BTNL9: variants seen among roughly 807,000 people sequenced by gnomAD.
BTNL9 encodes the protein butyrophilin-like protein 9.
In BTNL9, 45 loss-of-function variants were observed where a neutral mutation model predicts 45.8. That is an observed-to-expected ratio of 0.98 (90% CI 0.77 to 1.26). BTNL9 has a LOEUF of 1.26. BTNL9 is among the 50% of genes most tolerant of loss of function. The pLI is 0.00. For missense variants in BTNL9, 784 were observed against 729.7 expected (o/e 1.07, Z -0.86); for synonymous variants, 346 against 330.8 (o/e 1.05, Z -0.50).
intron 4 of BTNL9, among the ~76,000 whole-genome samples, chr5:181,051,863 A>G (rs199946610): frequency 6.6e-6 from 1 of 152,186 alleles, no homozygotes; most frequent in Non-Finnish European, 1.5e-5. Flanking sequence ...TTATATAAAA[A>G]TTTTTAGATG....
intron 9 of BTNL9, among the ~76,000 whole-genome samples, chr5:181,057,666 A>G (rs1009721240): frequency 2.0e-5 from 3 of 152,360 alleles, no homozygotes; most frequent in African/African-American, 2.4e-5. Flanking sequence ...GGAGTTTTAC[A>G]TAGGATTACT....
chr5:181,058,259 A>G, intron 9 of BTNL9, 93 bp from the exon 10 acceptor site: 1 of 1,421,238 alleles, frequency 7.0e-7, no homozygotes, highest in South Asian at 1.2e-5. Context: ...TTCGATCTGC[A>G]TGCATCCCTC....
chr5:181,047,470 A>G (rs1184893756), intron 2 of BTNL9: 1 of 989,338 alleles, frequency 1.0e-6, no homozygotes, highest in African/African-American at 1.7e-5. Flanking sequence ...ATCTATTCTC[A>G]TCATGCAGAA....
chr5:181,046,696 AGC>A (rs1761186759), intron 2 of BTNL9, among the ~76,000 whole-genome samples: 1 of 148,090 alleles, frequency 6.8e-6, no homozygotes, highest in African/African-American at 2.7e-5. Context: ...AGAGAGAGAG[AGC>A]GAGAGAGAGA....
chr5:181,043,232 ATG>A (rs1491388856), intron 1 of BTNL9, among the ~76,000 whole-genome samples: 2 of 42,556 alleles, frequency 4.7e-5, no homozygotes, highest in South Asian at 5.3e-4. Context: ...GTGTGTGTCT[ATG>A]TGTGTGTCTG....
chr5:181,045,705 A>C, intron 2 of BTNL9, 107 bp downstream of exon 2: 1 of 870,340 alleles, frequency 1.1e-6, no homozygotes. Context: ...CCAGACGCTA[A>C]AATACAAAAA....
At chr5:181,049,943 G>T in intron 3 of BTNL9, 145 bp from the exon 4 acceptor site, 1 of 1,023,366 alleles carries the variant, frequency 9.8e-7, no homozygotes, top group East Asian at 2.5e-5. Flanking sequence ...TCCATGGGCG[G>T]GGAGCGCCAA....
At chr5:181,045,278 G>T (rs1761035581) in intron 1 of BTNL9, among the ~76,000 whole-genome samples, 189 bp from the exon 2 acceptor site, 1 of 152,162 alleles carries the variant, frequency 6.6e-6, no homozygotes, top group African/African-American at 2.4e-5. Context: ...GCCATTAACA[G>T]TGTCCCCTGG....
intron 9 of BTNL9, 117 bp downstream of exon 9, chr5:181,056,132 C>T: frequency 8.6e-7 from 1 of 1,163,378 alleles, no homozygotes; most frequent in Admixed American, 1.7e-5. Flanking sequence ...CCTCACACAG[C>T]ATGTGTTAAT....
At position 181,055,670 on chromosome 5, in the gene BTNL9, G is replaced by A. The variant is rs1015189166; in HGVS notation, c.928+217G>A. The A allele has an allele frequency of 4.4e-6, 3 of 688,880 alleles. No individual in the cohort carries two copies. Among genetic ancestry groups the A allele is most frequent in the Non-Finnish European group, 7.6e-6 (3 of 392,644 alleles). The allele number at this position is 688,880 out of a possible 1,614,324, so 42.7% of individuals were successfully genotyped here. A position where few individuals can be genotyped will look rare whatever the true frequency, so the allele number is the denominator to read the frequency against. On this transcript the variant is annotated intron_variant, in intron 8 of 10. Coordinates refer to ENST00000327705, the MANE Select transcript of BTNL9 (RefSeq NM_152547.5). The surrounding 1 kb of genome is among the most constrained non-coding windows in gnomAD (Gnocchi z 4.4). ...TGTAGTCCCAGCTACATGGGAGGCT[G>A]AGGCAGGAGAAGGGCGTGAACCCGG...
intron 1 of BTNL9, 133 bp from the exon 2 acceptor site, chr5:181,045,334 C>T (rs533558911): frequency 3.9e-5 from 23 of 591,954 alleles, no homozygotes; most frequent in Middle Eastern, 3.2e-4. Context: ...AGAAGCCAAG[C>T]GCTGAGGCTT....
In BTNL9 at chr5:181,055,255, G is replaced by A; in HGVS notation, c.908-178G>A. ...AGATAGGATGAGGCATAAGAGTCCT[G>A]CAGATGGGCCTCTTTTTGAGGGCAA... On this transcript the variant is annotated intron_variant, in intron 7 of 10. Coordinates refer to ENST00000327705, the MANE Select transcript of BTNL9 (RefSeq NM_152547.5). The surrounding 1 kb of genome is among the most constrained non-coding windows in gnomAD (Gnocchi z 4.4). 8.1e-6 allele frequency: 12 copies of A among 1,473,378 alleles called. No individual in the cohort carries two copies. The highest frequency in any genetic ancestry group is 9.8e-6 in the Non-Finnish European group (11 of 1,116,976). The allele number at this position is 1,473,378 out of a possible 1,614,324, so 91.3% of individuals were successfully genotyped here.
At position 181,053,498 on chromosome 5, in the gene BTNL9, CA is replaced by C; in HGVS notation, c.885del (p.Glu296ArgfsTer35). ...EKLRKQAEKR[Q>X]EKLTAELEKL... ...GCTGAGGAAGCAGGCGGAGAAGAGA[CA>C]AGGTGAGCGGGGACAGGGCGTTCTG... On this transcript the variant is annotated frameshift_variant and splice_region_variant, in exon 6 of 11. Coordinates refer to ENST00000327705, the MANE Select transcript of BTNL9 (RefSeq NM_152547.5). LOFTEE classifies it high-confidence loss of function. The surrounding 1 kb of genome is among the most constrained non-coding windows in gnomAD (Gnocchi z 6.5). 1 of 1,578,344 alleles carries C rather than the reference CA, an allele frequency of 6.3e-7. No homozygotes were observed. Among genetic ancestry groups the C allele is most frequent in the South Asian group, 1.2e-5 (1 of 86,268 alleles).
Position 181,042,665 on chromosome 5 carries a change from C to T in BTNL9, c.-24+2233C>T, listed in dbSNP as rs1454559981. On this transcript the variant is annotated intron_variant, in intron 1 of 10. Coordinates refer to ENST00000327705, the MANE Select transcript of BTNL9 (RefSeq NM_152547.5). The surrounding 1 kb of genome is among the most constrained non-coding windows in gnomAD (Gnocchi z 4.5). Reference sequence around the variant, plus strand: ...GGAGCAAAGGGACCAGGTACCTGTTCCTCCTGGCTCAGAAGATGCTCTTGA... The same window carrying T: ...GGAGCAAAGGGACCAGGTACCTGTTTCTCCTGGCTCAGAAGATGCTCTTGA... Among the ~76,000 whole-genome samples, 1 of 152,152 alleles carries T rather than the reference C, an allele frequency of 6.6e-6. No homozygotes were observed. Among genetic ancestry groups the T allele is most frequent in the African/African-American group, 2.4e-5 (1 of 41,436 alleles).
chr5:181,045,423 C>G, intron 1 of BTNL9, 44 bp from the exon 2 acceptor site: 1 of 1,043,564 alleles, frequency 9.6e-7, no homozygotes, highest in Middle Eastern at 2.0e-4. Context: ...TCCAGCTCCC[C>G]CTACCTTTGC....
At chr5:181,045,688 G>A (rs539337582) in intron 2 of BTNL9, 90 bp downstream of exon 2, 1 of 1,032,158 alleles carries the variant, frequency 9.7e-7, no homozygotes, top group Non-Finnish European at 1.5e-6. Context: ...CACAGTACCA[G>A]GGCGTGCCAG....
rs1249717551 is a variant in BTNL9, at chr5:181,053,491, G to A, written c.876G>A (p.Glu292=). The A allele has an allele frequency of 6.3e-7, 1 of 1,578,796 alleles. No individual in the cohort carries two copies. The highest frequency in any genetic ancestry group is 8.6e-7 in the Non-Finnish European group (1 of 1,162,550). ...CAGAAAAGCTGAGGAAGCAGGCGGAGAAGAGACAAGGTGAGCGGGGACAGG... is the reference window on the plus strand; with the variant it reads ...CAGAAAAGCTGAGGAAGCAGGCGGAAAAGAGACAAGGTGAGCGGGGACAGG... The part of the protein sequence containing the change: ...RSREKLRKQA[E]KRQEKLTAEL... The change falls in exon 6 of 11, where the codon GAG becomes GAA. Residue 292 remains glutamate (E), a synonymous_variant. Coordinates refer to ENST00000327705, the MANE Select transcript of BTNL9 (RefSeq NM_152547.5). This position sits in a 1 kb window ranked among gnomAD's most constrained non-coding sequence, Gnocchi z 6.5.
At position 181,057,438 on chromosome 5, in the gene BTNL9, A is replaced by G. The variant is rs146910269; in HGVS notation, c.956-914A>G. ...CTCCACCATTCCAGGGCTGCCACTG[A>G]TGTGGGGAACCACCTTTGATGCATA... On this transcript the variant is annotated intron_variant, in intron 9 of 10. Transcript: ENST00000327705. 2.1e-3 allele frequency among the ~76,000 whole-genome samples: 322 copies of G among 152,334 alleles called. 4 individuals are homozygous for G. Among genetic ancestry groups the G allele is most frequent in the Middle Eastern group, 0.02 (6 of 294 alleles).
chr5:181,054,147 C>G (rs1246135024), intron 6 of BTNL9, 92 bp from the exon 7 acceptor site: 19 of 1,586,026 alleles, frequency 1.2e-5, no homozygotes, highest in Non-Finnish European at 1.5e-5. Context: ...GGAGGTGAGG[C>G]CTCAGTGTTC....
Sources: allele counts gnomAD v4.1 joint callset (sites outside exome capture counted in the v4.1 genomes callset), GRCh38; gene constraint gnomAD v4.1.1; non-coding constraint Gnocchi (gnomAD v3.1); transcripts MANE v1.5; gene names NCBI Gene and HGNC (gene_info 2026-07-23, HGNC 2026-07-21).